CARF: variants seen among roughly 807,000 people sequenced by gnomAD.
CARF encodes calcium responsive transcription factor.
A neutral mutation model predicts 82.0 loss-of-function variants in CARF; 57 were observed. The observed-to-expected ratio is 0.70, with a 90% CI of 0.56 to 0.87. The LOEUF is 0.87. Among genes scored for constraint, CARF ranks in the 40% least tolerant of loss-of-function variants. The pLI is 0.00. For missense variants in CARF, 771 were observed against 855.8 expected, an observed-to-expected ratio of 0.90 and a Z score of 1.24; for synonymous variants, 268 against 290.1, an observed-to-expected ratio of 0.92 and a Z score of 0.77.
At chr2:202,980,902 A>G (rs912323676) in intron 14 of CARF, among the ~76,000 whole-genome samples, 5 of 151,844 alleles carry the variant, frequency 3.3e-5, no homozygotes, top group African/African-American at 1.2e-4. Flanking sequence ...ATGCCATTTT[A>G]TATCAGGAAC....
intron 3 of CARF, among the ~76,000 whole-genome samples, chr2:202,939,909 C>T (rs1369190976): frequency 6.6e-6 from 1 of 151,996 alleles, no homozygotes; most frequent in Admixed American, 6.6e-5. Context: ...AGGCTGGTCT[C>T]AGATTCCTGG....
chr2:202,950,548 G>T (rs924417906), intron 5 of CARF, among the ~76,000 whole-genome samples: 1 of 151,884 alleles, frequency 6.6e-6, no homozygotes, highest in African/African-American at 2.4e-5. Context: ...ATATTGTTTT[G>T]CTTTTGTCTT....
intron 16 of CARF, among the ~76,000 whole-genome samples, chr2:202,982,894 T>C (rs2060324324): frequency 2.6e-5 from 4 of 152,134 alleles, no homozygotes; most frequent in Admixed American, 2.6e-4. Context: ...TTTTGGTTTT[T>C]TGTTGTTTTG....
At chr2:202,925,110 G>T in intron 3 of CARF, 1 of 384,442 alleles carries the variant, frequency 2.6e-6, no homozygotes, top group Non-Finnish European at 5.1e-6. Context: ...TGAGCCAGGA[G>T]CAGCTGAAGC....
At chr2:202,913,578 A>G (rs1345604769) in intron 1 of CARF, among the ~76,000 whole-genome samples, 1 of 152,224 alleles carries the variant, frequency 6.6e-6, no homozygotes, top group Non-Finnish European at 1.5e-5. Flanking sequence ...GAGATCACTT[A>G]TTAGGCTTGA....
Position 202,967,182 on chromosome 2 carries a change from A to T in CARF, c.953+84A>T, listed in dbSNP as rs1005116399. 5 of 1,377,396 alleles carry T rather than the reference A, an allele frequency of 3.6e-6. No homozygotes were observed. In the East Asian group the frequency reaches 9.7e-5, roughly 27 times the overall value. The allele number at this position is 1,377,396 out of a possible 1,614,324, so 85.3% of individuals were successfully genotyped here. On this transcript the variant is annotated intron_variant, in intron 10 of 16. Coordinates refer to ENST00000438828, the MANE Select transcript of CARF (RefSeq NM_024744.17). The stretch of plus-strand genomic sequence containing the variant: ...ACACATATTTTTATTAGGTTTATAC[A>T]GTACCAAAAAGTATACAGTGAATTC...
At chr2:202,913,603 G>GTGGT (rs1407829792) in intron 1 of CARF, among the ~76,000 whole-genome samples, 1 of 152,230 alleles carries the variant, frequency 6.6e-6, no homozygotes, top group East Asian at 1.9e-4. Context: ...GCTAATGGAA[G>GTGGT]TGGTGATCGT....
At chr2:202,927,094 G>A (rs994079348) in intron 3 of CARF, among the ~76,000 whole-genome samples, 3 of 152,134 alleles carry the variant, frequency 2.0e-5, no homozygotes, top group Non-Finnish European at 4.4e-5. Context: ...GGGATTACAG[G>A]CATGAGCCAC....
chr2:202,956,000 G>A (rs533231148), intron 8 of CARF, among the ~76,000 whole-genome samples: 5 of 151,026 alleles, frequency 3.3e-5, no homozygotes, highest in African/African-American at 4.9e-5. Flanking sequence ...CTCTTCCCTC[G>A]TAGTCCATGA....
At chr2:202,977,218 T>G (rs1191610283) in intron 13 of CARF, 51 bp from the exon 14 acceptor site, 1 of 1,347,534 alleles carries the variant, frequency 7.4e-7, no homozygotes, top group Admixed American at 1.9e-5. Context: ...TCTTAAGATA[T>G]TTTTCAATAT....
intron 2 of CARF, among the ~76,000 whole-genome samples, chr2:202,922,710 C>A (rs1691064937): frequency 6.6e-6 from 1 of 151,832 alleles, no homozygotes; most frequent in African/African-American, 2.4e-5. Context: ...GAGGCTGAGG[C>A]ATGAGAATCA....
intron 3 of CARF, among the ~76,000 whole-genome samples, chr2:202,936,874 A>G (rs1376549108): frequency 6.6e-6 from 1 of 152,226 alleles, no homozygotes; most frequent in Non-Finnish European, 1.5e-5. Flanking sequence ...ACCATCACCA[A>G]ATGCAAAGAC....
intron 9 of CARF, among the ~76,000 whole-genome samples, chr2:202,963,584 G>A (rs1260996866): frequency 6.6e-6 from 1 of 152,154 alleles, no homozygotes. Context: ...TACATTTATT[G>A]TGCACTTTAT....
chr2:202,928,452 C>G (rs550188283), intron 3 of CARF, among the ~76,000 whole-genome samples: 2 of 152,218 alleles, frequency 1.3e-5, no homozygotes, highest in Non-Finnish European at 2.9e-5. Flanking sequence ...CAGCTTTCTC[C>G]TTGACTTACT....
chr2:202,966,035 C>T (rs977567572), intron 9 of CARF, among the ~76,000 whole-genome samples: 2 of 152,284 alleles, frequency 1.3e-5, no homozygotes, highest in Admixed American at 6.5e-5. Flanking sequence ...TTCCTTGCCA[C>T]GTGGGCCTTT....
At chr2:202,953,975 T>C (rs1466871220) in intron 6 of CARF, 30 bp from the exon 7 acceptor site, 8 of 1,574,308 alleles carry the variant, frequency 5.1e-6, no homozygotes, top group Non-Finnish European at 6.9e-6. Context: ...AAGATATTGA[T>C]GTTACTTTGT....
At chr2:202,952,441 G>A in intron 5 of CARF, 118 bp from the exon 6 acceptor site, 1 of 948,510 alleles carries the variant, frequency 1.1e-6, no homozygotes, top group Non-Finnish European at 1.5e-6. Context: ...ATAAAATGGG[G>A]GAAATCATAG....
intron 3 of CARF, among the ~76,000 whole-genome samples, chr2:202,932,647 TGCAGCAGCAGCA>T (rs374632298): frequency 6.6e-6 from 1 of 151,534 alleles, no homozygotes; most frequent in South Asian, 2.1e-4. Context: ...TGAGGCCAGT[TGCAGCAGCAGCA>T]GCAGCAGCAG....
chr2:202,970,817 A>G (rs1487802413), intron 11 of CARF, among the ~76,000 whole-genome samples: 1 of 151,846 alleles, frequency 6.6e-6, no homozygotes, highest in Non-Finnish European at 1.5e-5. Flanking sequence ...CAATTAAAGC[A>G]GTATCCTACC....
Sources: allele counts gnomAD v4.1 joint callset (sites outside exome capture counted in the v4.1 genomes callset), GRCh38; gene constraint gnomAD v4.1.1; transcripts MANE v1.5; gene names NCBI Gene and HGNC (gene_info 2026-07-23, HGNC 2026-07-21).